PPIF: variants seen among roughly 807,000 people sequenced by gnomAD.
PPIF encodes peptidylprolyl isomerase F.
In PPIF, 23 loss-of-function variants were observed where a neutral mutation model predicts 20.2. That is an observed-to-expected ratio of 1.14 (90% CI 0.82 to 1.61). The LOEUF is 1.61. Ranked by LOEUF, PPIF falls within the 40% of genes most tolerant of loss-of-function variation. PPIF has a pLI of 0.00. For synonymous variants in PPIF, 113 were observed against 123.1 expected, an observed-to-expected ratio of 0.92 and a Z score of 0.54; for missense variants, 287 against 291.6, an observed-to-expected ratio of 0.98 and a Z score of 0.11.
chr10:79,352,218 G>A, intron 4 of PPIF, 99 bp from the exon 5 acceptor site: 8 of 1,075,610 alleles, frequency 7.4e-6, no homozygotes, highest in African/African-American at 1.6e-5. Context: ...CTGCAGACTC[G>A]AATGTCCCTG....
chr10:79,349,638 T>A, intron 2 of PPIF, 27 bp from the exon 3 acceptor site: 1 of 1,612,472 alleles, frequency 6.2e-7, no homozygotes, highest in Non-Finnish European at 8.5e-7. Context: ...CTGGCCCTGT[T>A]GACCTGTGTT....
In PPIF at chr10:79,354,004, C is replaced by T. The variant is rs1856016858; in HGVS notation, c.*162C>T. The T allele has an allele frequency of 2.1e-5, 16 of 759,114 alleles. No homozygotes were observed. Among genetic ancestry groups the T allele is most frequent in the Non-Finnish European group, 3.4e-5 (16 of 477,446 alleles). The allele number at this position is 759,114 out of a possible 1,614,324, so 47.0% of individuals were successfully genotyped here. On this transcript the variant is annotated 3_prime_UTR_variant, in exon 6 of 6. Coordinates refer to ENST00000225174, the MANE Select transcript of PPIF (RefSeq NM_005729.4). ...TAGGGATGTTAGACCTCGGCCAGGA[C>T]CCACCACATTGCTTCCTAATACCCA...
rs749903887 is a variant in PPIF at position 79,349,066 on chromosome 10, C to T, written c.196-10C>T. The T allele has an allele frequency of 1.5e-5, 24 of 1,613,860 alleles. No individual in the cohort carries two copies. The highest frequency in any genetic ancestry group is 1.7e-5 in the Admixed American group (1 of 60,014). On this transcript the variant is annotated splice_polypyrimidine_tract_variant and intron_variant, in intron 1 of 5. Transcript: ENST00000225174. ...GACCATCCTCTTTTGTCCTTCTTCT[C>T]CCCCAACAGCTGAAGGCAGATGTCG...
At position 79,349,058 on chromosome 10, in the gene PPIF, C is replaced by G. The variant is rs376354894; in HGVS notation, c.196-18C>G. 31 of 1,613,772 alleles carry G rather than the reference C, an allele frequency of 1.9e-5. No individual in the cohort carries two copies. The highest frequency in any genetic ancestry group is 2.5e-5 in the Non-Finnish European group (30 of 1,179,970). On this transcript the variant is annotated intron_variant, in intron 1 of 5. Transcript: ENST00000225174. ...TCTCCAATGACCATCCTCTTTTGTC[C>G]TTCTTCTCCCCCAACAGCTGAAGGC... is the stretch of plus-strand genomic sequence containing the variant.
At position 79,347,676 on chromosome 10, in the gene PPIF, C is replaced by A; in HGVS notation, c.128C>A (p.Ser43Tyr). Reference protein sequence around the residue: ...GSGDPSSSSSSGNPLVYLDVD... With the variant: ...GSGDPSSSSSYGNPLVYLDVD... ...GGCGACCCGTCCTCTTCCTCCTCCT[C>A]CGGGAACCCGCTCGTGTACCTGGAC... The change falls in exon 1 of 6, where the codon TCC becomes TAC. Residue 43 changes from serine (S) to tyrosine (Y), a missense_variant. Coordinates refer to ENST00000225174, the MANE Select transcript of PPIF (RefSeq NM_005729.4). The A allele has an allele frequency of 6.8e-7, 1 of 1,479,484 alleles. No individual in the cohort carries two copies. The highest frequency in any genetic ancestry group is 9.0e-7 in the Non-Finnish European group (1 of 1,111,510). 91.6% of individuals were successfully genotyped at this position (1,479,484 alleles called of 1,614,324 possible). A position where few individuals can be genotyped will look rare whatever the true frequency, so the allele number is the denominator to read the frequency against.
chr10:79,351,392 G>A, intron 3 of PPIF, 95 bp from the exon 4 acceptor site: 2 of 1,111,496 alleles, frequency 1.8e-6, no homozygotes, highest in Non-Finnish European at 2.6e-6. Context: ...GCGCCAACTG[G>A]GTGGGCTTGG....
rs770515692 is a variant in PPIF, at chr10:79,349,774, G to A, written c.315+21G>A. 3.1e-6 allele frequency: 5 copies of A among 1,613,596 alleles called. No individual in the cohort carries two copies. The South Asian group carries it at 3.3e-5, about 11-fold the overall frequency. ...GCCAGGTAATGTAGTTTCCTCTTCT[G>A]TAAGGGGGGATGAGAGCAGGAGCTG... On this transcript the variant is annotated intron_variant, in intron 3 of 5. Transcript: ENST00000225174.
chr10:79,347,584 C>T lies in PPIF; in HGVS notation c.36C>T (p.Gly12=). 1 of 1,405,172 alleles carries T rather than the reference C, an allele frequency of 7.1e-7. No individual in the cohort carries two copies. The highest frequency in any genetic ancestry group is 9.3e-7 in the Non-Finnish European group (1 of 1,076,846). The allele number at this position is 1,405,172 out of a possible 1,614,324, so 87.0% of individuals were successfully genotyped here. ...LALRCGSRWL[G]LLSVPRSVPL... ...TGCGCTGCGGCTCCCGCTGGCTCGG[C>T]CTGCTCTCCGTCCCGCGCTCCGTGC... The change falls in exon 1 of 6, where the codon GGC becomes GGT. Residue 12 remains glycine (G), a synonymous_variant. Transcript: ENST00000225174.
chr10:79,351,173 A>C (rs1340367633), intron 3 of PPIF, among the ~76,000 whole-genome samples: 1 of 152,228 alleles, frequency 6.6e-6, no homozygotes, highest in Non-Finnish European at 1.5e-5. Context: ...AGTGGGTTAA[A>C]TTCTGGGTCA....
At chr10:79,350,284 A>AT (rs1277676819) in intron 3 of PPIF, among the ~76,000 whole-genome samples, 2 of 152,122 alleles carry the variant, frequency 1.3e-5, no homozygotes, top group African/African-American at 4.8e-5. Context: ...AAGCATTGGT[A>AT]TTGCTGTGTC....
intron 5 of PPIF, among the ~76,000 whole-genome samples, chr10:79,352,684 T>C (rs750621881): frequency 1.3e-5 from 2 of 152,242 alleles, no homozygotes; most frequent in Non-Finnish European, 2.9e-5. Flanking sequence ...CTCTACCAGA[T>C]ACATTTGGGA....
At chr10:79,348,791 G>A (rs531451545) in intron 1 of PPIF, among the ~76,000 whole-genome samples, 1 of 152,298 alleles carries the variant, frequency 6.6e-6, no homozygotes, top group South Asian at 2.1e-4. Flanking sequence ...CCAGCTGTGG[G>A]AGCACTGCCA....
chr10:79,351,369 C>T, intron 3 of PPIF, 118 bp from the exon 4 acceptor site: 1 of 730,300 alleles, frequency 1.4e-6, no homozygotes, highest in African/African-American at 1.8e-5. Context: ...TTATTGACCC[C>T]TTTACCTGAG....
chr10:79,352,284 G>T (rs1855991932), intron 4 of PPIF, 33 bp from the exon 5 acceptor site: 5 of 1,596,630 alleles, frequency 3.1e-6, no homozygotes, highest in Middle Eastern at 3.3e-4. Context: ...TGCCTCCAGG[G>T]GCAGCGTGGC....
chr10:79,347,594 G>T lies in PPIF; in HGVS notation c.46G>T (p.Val16Phe). ...CTCCCGCTGGCTCGGCCTGCTCTCC[G>T]TCCCGCGCTCCGTGCCGCTGCGCCT... Reference protein sequence around the residue: ...CGSRWLGLLSVPRSVPLRLPA... With the variant: ...CGSRWLGLLSFPRSVPLRLPA... The change falls in exon 1 of 6, where the codon GTC becomes TTC. Residue 16 changes from valine to phenylalanine, a missense_variant. Coordinates refer to ENST00000225174, the MANE Select transcript of PPIF (RefSeq NM_005729.4). The T allele has an allele frequency of 1.4e-6, 2 of 1,420,416 alleles. No homozygotes were observed. Among genetic ancestry groups the T allele is most frequent in the Non-Finnish European group, 1.8e-6 (2 of 1,084,130 alleles). The allele number at this position is 1,420,416 out of a possible 1,614,324, so 88.0% of individuals were successfully genotyped here. A position where few individuals can be genotyped will look rare whatever the true frequency, so the allele number is the denominator to read the frequency against.
intron 1 of PPIF, among the ~76,000 whole-genome samples, chr10:79,348,006 G>A (rs1022518928): frequency 1.3e-5 from 2 of 151,774 alleles, no homozygotes. Flanking sequence ...GGAGGGCTCA[G>A]CACCTCTGGG....
In PPIF at chr10:79,353,738, G is replaced by A. The variant is rs763787349; in HGVS notation, c.520G>A (p.Val174Ile). The change falls in exon 6 of 6, where the codon GTC becomes ATC. Residue 174 changes from valine (V) to isoleucine (I), a missense_variant. Physicochemically the swap from Val to Ile is conservative, Grantham distance 29. Transcript: ENST00000225174. ...LDGKHVVFGH[V>I]KEGMDVVKKI... is the part of the protein sequence containing the mutation. ...TGGCAAGCATGTTGTGTTCGGTCAC[G>A]TCAAAGAGGGCATGGACGTCGTGAA... is the stretch of plus-strand genomic sequence containing the variant. 15 of 1,614,262 alleles carry A rather than the reference G, an allele frequency of 9.3e-6. No homozygotes were observed. Among genetic ancestry groups the A allele is most frequent in the Middle Eastern group, 1.6e-4 (1 of 6,062 alleles).
chr10:79,351,374 C>A, intron 3 of PPIF, 113 bp from the exon 4 acceptor site: 1 of 769,810 alleles, frequency 1.3e-6, no homozygotes. Context: ...GACCCCTTTA[C>A]CTGAGGGGCG....
At chr10:79,352,963 A>C (rs1184135384) in intron 5 of PPIF, among the ~76,000 whole-genome samples, 1 of 152,228 alleles carries the variant, frequency 6.6e-6, no homozygotes, top group Non-Finnish European at 1.5e-5. Context: ...CTAAGGGATA[A>C]ATTTCTCTGG....
Sources: gnomAD v4.1 joint callset for allele counts (sites outside exome capture counted in the v4.1 genomes callset) on GRCh38, gnomAD v4.1.1 for gene constraint, MANE v1.5 for transcripts, NCBI Gene and HGNC (gene_info 2026-07-23, HGNC 2026-07-21) for gene names.